The following COX10 variants were observed in gnomAD, a reference collection of about 807,000 sequenced individuals.
COX10 encodes protoheme IX farnesyltransferase, mitochondrial.
COX10 carries 27 observed loss-of-function variants against 37.3 expected under a neutral mutation model. The ratio of observed to expected loss-of-function variants is 0.72; its 90% CI spans 0.53 to 1.00. COX10 has a LOEUF of 1.00. Among genes scored for constraint, COX10 ranks in the 50% least tolerant of loss-of-function variants. COX10 has a pLI of 0.00. For synonymous variants in COX10, 222 were observed against 229.1 expected (o/e 0.97, Z 0.28); for missense variants, 475 against 563.2 (o/e 0.84, Z 1.59).
At chr17:14,201,432 C>T (rs1188332472) in intron 6 of COX10, among the ~76,000 whole-genome samples, 1 of 152,180 alleles carries the variant, frequency 6.6e-6, no homozygotes, top group Admixed American at 6.5e-5. Context: ...GCCAAACCCA[C>T]ACCCAATTTC....
At chr17:14,178,839 C>A (rs1905768094) in intron 5 of COX10, among the ~76,000 whole-genome samples, 1 of 151,982 alleles carries the variant, frequency 6.6e-6, no homozygotes, top group Non-Finnish European at 1.5e-5. Context: ...ATTGCTCCAG[C>A]TTGGGCCTGA....
At chr17:14,117,943 G>A (rs376957175) in intron 4 of COX10, among the ~76,000 whole-genome samples, 1 of 152,088 alleles carries the variant, frequency 6.6e-6, no homozygotes, top group Non-Finnish European at 1.5e-5. Context: ...GCCAGAAGGG[G>A]GATGGAATGG....
intron 4 of COX10, among the ~76,000 whole-genome samples, chr17:14,127,927 ATGTG>A (rs67774468): frequency 0.068 from 9,687 of 143,394 alleles, 388 homozygotes; most frequent in African/African-American, 0.11. Flanking sequence ...GAGTGTGTGT[ATGTG>A]TGTGTGTGTG....
chr17:14,102,152 A>T lies in COX10; in HGVS notation c.534A>T (p.Ala178=). 5 of 1,613,700 alleles carry T rather than the reference A, an allele frequency of 3.1e-6. No individual in the cohort carries two copies. The highest frequency in any genetic ancestry group is 4.2e-6 in the Non-Finnish European group (5 of 1,179,758). Residue 178 remains alanine, a synonymous_variant, in exon 4 of 7, where the codon GCA becomes GCT. Transcript: ENST00000261643. ...LVVSTTAAGF[A]LAPGPFDWPC... is the part of the protein sequence containing the mutation. ...TAAGTACCACTGCAGCTGGATTTGC[A>T]TTGGCTCCGGGCCCTTTTGACTGGC...
intron 4 of COX10, among the ~76,000 whole-genome samples, chr17:14,157,579 A>G (rs1597526741): frequency 6.6e-6 from 1 of 152,228 alleles, no homozygotes; most frequent in South Asian, 2.1e-4. Context: ...TAAGTGGAAT[A>G]TGCTGCAGTC....
rs537762103 is a variant in COX10, at chr17:14,080,983, T to C, written c.499+3927T>C. 2.0e-5 allele frequency among the ~76,000 whole-genome samples: 3 copies of C among 152,328 alleles called. No individual in the cohort carries two copies. In the East Asian group the frequency reaches 5.8e-4, roughly 29 times the overall value. On this transcript the variant is annotated intron_variant, in intron 3 of 6. Coordinates refer to ENST00000261643, the MANE Select transcript of COX10 (RefSeq NM_001303.4). ...CATATTCTCTAATGCTTTGAAGCCA[T>C]CTGGATTATATTTCAGTGGAAGGAA...
intron 5 of COX10, 47 bp from the exon 6 acceptor site, chr17:14,191,942 G>C (rs373212669): frequency 9.4e-6 from 15 of 1,596,928 alleles, no homozygotes; most frequent in Non-Finnish European, 1.3e-5. Flanking sequence ...TAGTGTGATT[G>C]AGTTGAGTTG....
chr17:14,187,240 G>A (rs1567610626), intron 5 of COX10, among the ~76,000 whole-genome samples: 4 of 151,440 alleles, frequency 2.6e-5, no homozygotes, highest in South Asian at 2.1e-4. Context: ...ATTTATCTTC[G>A]GAATTTCTTC....
intron 4 of COX10, among the ~76,000 whole-genome samples, chr17:14,154,277 A>G (rs920993639): frequency 6.6e-6 from 1 of 152,206 alleles, no homozygotes; most frequent in Non-Finnish European, 1.5e-5. Flanking sequence ...AGGTTCTTGC[A>G]TGTCGATTAT....
intron 4 of COX10, among the ~76,000 whole-genome samples, chr17:14,147,182 G>C (rs1321585292): frequency 6.6e-6 from 1 of 151,108 alleles, no homozygotes; most frequent in Non-Finnish European, 1.5e-5. Flanking sequence ...GTATATGGAA[G>C]AGATATCTAC....
chr17:14,136,650 GT>G (rs959935503), intron 4 of COX10, among the ~76,000 whole-genome samples: 12 of 151,132 alleles, frequency 7.9e-5, no homozygotes, highest in East Asian at 3.9e-4. Context: ...TTTATGGCAG[GT>G]TTTTTTTTAA....
At chr17:14,080,532 TTCTCTG>T (rs1186179541) in intron 3 of COX10, among the ~76,000 whole-genome samples, 2 of 152,222 alleles carry the variant, frequency 1.3e-5, no homozygotes, top group African/African-American at 2.4e-5. Flanking sequence ...GAATTAGACT[TTCTCTG>T]TAGAGTCCAC....
intron 1 of COX10, 92 bp from the exon 2 acceptor site, chr17:14,074,231 A>G: frequency 7.2e-7 from 1 of 1,388,282 alleles, no homozygotes; most frequent in Non-Finnish European, 1.0e-6. Flanking sequence ...CGCTTACCTT[A>G]GTGGCTGGCT....
chr17:14,116,604 A>T (rs1301395218), intron 4 of COX10, among the ~76,000 whole-genome samples: 1 of 151,948 alleles, frequency 6.6e-6, no homozygotes, highest in Non-Finnish European at 1.5e-5. Flanking sequence ...GTTTCTCTCA[A>T]ACCCCACATT....
At chr17:14,130,326 T>G (rs1916435839) in intron 4 of COX10, among the ~76,000 whole-genome samples, 1 of 152,162 alleles carries the variant, frequency 6.6e-6, no homozygotes, top group African/African-American at 2.4e-5. Flanking sequence ...TATCAATGAT[T>G]ACAAGATTTG....
At position 14,126,749 on chromosome 17, in the gene COX10, C is replaced by T. The variant is rs886445595; in HGVS notation, c.624+24507C>T. Among the ~76,000 whole-genome samples, 3 of 152,058 alleles carry T rather than the reference C, an allele frequency of 2.0e-5. No homozygotes were observed. The East Asian group carries it at 5.8e-4, about 29-fold the overall frequency. On this transcript the variant is annotated intron_variant, in intron 4 of 6. Transcript: ENST00000261643. Reference sequence around the variant, plus strand: ...AGTATAGCATGAGGGGGAGAATTTGCTAAATGTCCCTTTGATAACTTGGTG... The same window carrying T: ...AGTATAGCATGAGGGGGAGAATTTGTTAAATGTCCCTTTGATAACTTGGTG...
chr17:14,177,253 T>C (rs1311908349), intron 5 of COX10: 37 of 733,284 alleles, frequency 5.0e-5, no homozygotes, highest in Non-Finnish European at 9.0e-5. Context: ...CTGTGCTTCC[T>C]TGGGAGTGTG....
At chr17:14,105,097 T>C (rs1777522180) in intron 4 of COX10, among the ~76,000 whole-genome samples, 1 of 152,190 alleles carries the variant, frequency 6.6e-6, no homozygotes, top group Non-Finnish European at 1.5e-5. Context: ...ATCAAAAAAC[T>C]ATAACATTAT....
At chr17:14,102,518 T>C (rs956297932) in intron 4 of COX10, among the ~76,000 whole-genome samples, 1 of 152,276 alleles carries the variant, frequency 6.6e-6, no homozygotes, top group South Asian at 2.1e-4. Context: ...GTCATAACTT[T>C]CTACTCTTAG....
Sources: allele counts gnomAD v4.1 joint callset (sites outside exome capture counted in the v4.1 genomes callset), GRCh38; gene constraint gnomAD v4.1.1; transcripts MANE v1.5; gene names NCBI Gene and HGNC (gene_info 2026-07-23, HGNC 2026-07-21).